TMEM80: variants seen among roughly 807,000 people sequenced by gnomAD.
The protein encoded by TMEM80 is transmembrane protein 80.
In TMEM80, 16 loss-of-function variants were observed where a neutral mutation model predicts 13.6. That is an observed-to-expected ratio of 1.17 (90% confidence interval 0.79 to 1.78). The LOEUF is 1.78. TMEM80 is among the 40% of genes most tolerant of loss of function. TMEM80 has a pLI of 0.00. For missense variants in TMEM80, 167 were observed against 184.6 expected (o/e 0.90, Z 0.55); for synonymous variants, 92 against 89.5 (o/e 1.03, Z -0.16).
chr11:698,936 G>A (rs926390340), intron 2 of TMEM80, 48 bp downstream of exon 2: 14 of 1,612,450 alleles, frequency 8.7e-6, no homozygotes, highest in African/African-American at 2.7e-5. Flanking sequence ...GGCCCGAATT[G>A]CTGCTGCACA....
rs142589327 is a variant in TMEM80, at chr11:699,928, G to A, written c.40-214G>A. ...AGACCGCATTGTTGTGGCATGGAGG[G>A]GGGTCCCACAAAGGCCTTGTCAGCT... On this transcript the variant is annotated intron_variant, in intron 2 of 4. Transcript: ENST00000397510. 1,202 of 554,648 alleles carry A rather than the reference G, an allele frequency of 2.2e-3. 15 individuals carry two copies. The East Asian group carries it at 0.034, about 16-fold the overall frequency. The allele number at this position is 554,648 out of a possible 1,614,324, so 34.4% of individuals were successfully genotyped here.
chr11:696,518 C>G (rs929819620), intron 1 of TMEM80, among the ~76,000 whole-genome samples: 2 of 152,184 alleles, frequency 1.3e-5, no homozygotes, highest in Non-Finnish European at 2.9e-5. Context: ...GTGGCTCAGG[C>G]CTGTAAGCCT....
Position 703,416 on chromosome 11 carries a change from A to G in TMEM80, c.*266A>G. On this transcript the variant is annotated 3_prime_UTR_variant, in exon 5 of 5. Transcript: ENST00000397510. ...TTCAAGATGAGTCCCAGGAGCGCAC[A>G]CTCAGCCCTGTCAGTGGGGTCTGGC... 3 of 1,311,146 alleles carry G rather than the reference A, an allele frequency of 2.3e-6. No homozygotes were observed. The highest frequency in any genetic ancestry group is 2.9e-6 in the Non-Finnish European group (3 of 1,034,258). The allele number at this position is 1,311,146 out of a possible 1,614,324, so 81.2% of individuals were successfully genotyped here. A position where few individuals can be genotyped will look rare whatever the true frequency, so the allele number is the denominator to read the frequency against.
rs1861118514 is a variant in TMEM80, at chr11:695,863, T to C, written c.19+17T>C. The C allele has an allele frequency of 1.5e-5, 18 of 1,226,098 alleles. No individual in the cohort carries two copies. The highest frequency in any genetic ancestry group is 1.8e-5 in the Non-Finnish European group (18 of 984,032). The allele number at this position is 1,226,098 out of a possible 1,614,324, so 76.0% of individuals were successfully genotyped here. A position where few individuals can be genotyped will look rare whatever the true frequency, so the allele number is the denominator to read the frequency against. On this transcript the variant is annotated intron_variant, in intron 1 of 4. Coordinates refer to ENST00000397510, the MANE Select transcript of TMEM80 (RefSeq NM_001042463.3). Reference sequence around the variant, plus strand: ...CGCGGCGAGGTGAGCTCGGGCGGGGTGGGGGCTTCCGGGCTTGCAGCGGCG... The same window carrying C: ...CGCGGCGAGGTGAGCTCGGGCGGGGCGGGGGCTTCCGGGCTTGCAGCGGCG...
Position 703,395 on chromosome 11 carries a change from A to G in TMEM80, c.*245A>G, listed in dbSNP as rs1861588915. The G allele has an allele frequency of 7.3e-7, 1 of 1,365,196 alleles. No homozygotes were observed. The highest frequency in any genetic ancestry group is 9.4e-7 in the Non-Finnish European group (1 of 1,064,710). 84.6% of individuals were successfully genotyped at this position (1,365,196 alleles called of 1,614,324 possible). A position where few individuals can be genotyped will look rare whatever the true frequency, so the allele number is the denominator to read the frequency against. On this transcript the variant is annotated 3_prime_UTR_variant, in exon 5 of 5. Transcript: ENST00000397510. Reference sequence around the variant, plus strand: ...TAGGGACCAGACAGAACTGCCTTCAAGATGAGTCCCAGGAGCGCACACTCA... The same window carrying G: ...TAGGGACCAGACAGAACTGCCTTCAGGATGAGTCCCAGGAGCGCACACTCA...
downstream of TMEM80, chr11:704,500 C>G (rs755780125): frequency 1.6e-6 from 2 of 1,289,266 alleles, no homozygotes; most frequent in Admixed American, 4.6e-5. Context: ...AGCGCCTGAG[C>G]GCCTCGGGCC....
Position 700,179 on chromosome 11 carries a change from G to A in TMEM80, c.77G>A (p.Ser26Asn). 6.2e-7 allele frequency: 1 copy of A among 1,614,148 alleles called. No homozygotes were observed. The highest frequency in any genetic ancestry group is 1.1e-5 in the South Asian group (1 of 91,078). The change falls in exon 3 of 5, where the codon AGC becomes AAC. Residue 26 changes from serine (S) to asparagine (N), a missense_variant. Coordinates refer to ENST00000397510, the MANE Select transcript of TMEM80 (RefSeq NM_001042463.3). ...CCCCTTCAAATGCTGTTTTATCTCA[G>A]CGGAACGTACTACGCCCTGTATTTC... ...SVPLQMLFYL[S>N]GTYYALYFLA...
chr11:702,502 A>G (rs1861542331), intron 4 of TMEM80, among the ~76,000 whole-genome samples: 1 of 152,172 alleles, frequency 6.6e-6, no homozygotes. Context: ...TTGTTTGCTA[A>G]ATACGCAGTT....
Position 700,126 on chromosome 11 carries a change from C to T in TMEM80, c.40-16C>T, listed in dbSNP as rs1463094714. The T allele has an allele frequency of 6.2e-7, 1 of 1,612,426 alleles. No homozygotes were observed. The highest frequency in any genetic ancestry group is 1.1e-5 in the South Asian group (1 of 91,004). ...CCCAAGCCTGTTGAGCTTGAGGATCCTTAACCACTCACCAGCTCTCTTCAG... is the reference window on the plus strand; with the variant it reads ...CCCAAGCCTGTTGAGCTTGAGGATCTTTAACCACTCACCAGCTCTCTTCAG... On this transcript the variant is annotated splice_polypyrimidine_tract_variant and intron_variant, in intron 2 of 4. Coordinates refer to ENST00000397510, the MANE Select transcript of TMEM80 (RefSeq NM_001042463.3).
In TMEM80 at chr11:704,032, TTG is replaced by T; in HGVS notation, c.*888_*889del. ...GTAGCTTTCCCTTCACTTGATTCTA[TTG>T]TGTGTTTTCTATGTTTGGAATAATT... On this transcript the variant is annotated 3_prime_UTR_variant, in exon 5 of 5. Transcript: ENST00000397510. 8.4e-7 allele frequency: 1 copy of T among 1,193,410 alleles called. No homozygotes were observed. Among genetic ancestry groups the T allele is most frequent in the Non-Finnish European group, 1.0e-6 (1 of 961,768 alleles). 73.9% of individuals were successfully genotyped at this position (1,193,410 alleles called of 1,614,324 possible).
intron 1 of TMEM80, among the ~76,000 whole-genome samples, chr11:698,277 A>G (rs779115658): frequency 1.4e-5 from 2 of 145,958 alleles, no homozygotes; most frequent in African/African-American, 5.1e-5. Context: ...GACTCCACTC[A>G]CTCCTCGGGC....
Position 703,495 on chromosome 11 carries a change from GACAGAGCCCTTCAGA to G in TMEM80, c.*352_*366del. ...ATGGGCCCCCAGGGCCGAGAGGGAG[GACAGAGCCCTTCAGA>G]ACAGAGGCCTCATCTCACTGCATCC... On this transcript the variant is annotated 3_prime_UTR_variant, in exon 5 of 5. Transcript: ENST00000397510. The G allele has an allele frequency of 9.6e-6, 12 of 1,255,004 alleles. No individual in the cohort carries two copies. Among genetic ancestry groups the G allele is most frequent in the Non-Finnish European group, 1.2e-5 (12 of 1,001,734 alleles). 77.7% of individuals were successfully genotyped at this position (1,255,004 alleles called of 1,614,324 possible). A position where few individuals can be genotyped will look rare whatever the true frequency, so the allele number is the denominator to read the frequency against.
intron 4 of TMEM80, among the ~76,000 whole-genome samples, chr11:701,497 G>C (rs11246270): frequency 6.8e-6 from 1 of 147,668 alleles, no homozygotes. Flanking sequence ...TGCAAGCTCC[G>C]CCTCCCGGGT....
chr11:699,033 G>A, intron 2 of TMEM80, 145 bp downstream of exon 2: 1 of 941,946 alleles, frequency 1.1e-6, no homozygotes, highest in Admixed American at 1.8e-5. Context: ...GACAGATTTA[G>A]AGAGTTGATG....
At position 701,652 on chromosome 11, in the gene TMEM80, G is replaced by T. The variant is rs541207954; in HGVS notation, c.226+945G>T. The stretch of plus-strand genomic sequence containing the variant: ...TTTCCATCTCCTGACCTCCTGATCC[G>T]CCCACCTCGGCCTCCCAAAGTGCTG... On this transcript the variant is annotated intron_variant, in intron 4 of 4. Transcript: ENST00000397510. Among the ~76,000 whole-genome samples the T allele has an allele frequency of 7.9e-5, 12 of 151,750 alleles. No individual in the cohort carries two copies. The South Asian group carries it at 1.9e-3, about 24-fold the overall frequency.
Position 703,677 on chromosome 11 carries a change from C to G in TMEM80, c.*527C>G. On this transcript the variant is annotated 3_prime_UTR_variant, in exon 5 of 5. Transcript: ENST00000397510. The stretch of plus-strand genomic sequence containing the variant: ...CCTTGTGCTCTGAGCAACCCCAGCT[C>G]TGCCTCACAGGCAGGCAGGCCCGGT... 1 of 1,232,424 alleles carries G rather than the reference C, an allele frequency of 8.1e-7. No homozygotes were observed. Among genetic ancestry groups the G allele is most frequent in the Non-Finnish European group, 1.0e-6 (1 of 988,456 alleles). 76.3% of individuals were successfully genotyped at this position (1,232,424 alleles called of 1,614,324 possible).
Position 702,948 on chromosome 11 carries a change from C to A in TMEM80, c.230C>A (p.Thr77Asn). 2 of 1,605,918 alleles carry A rather than the reference C, an allele frequency of 1.2e-6. No individual in the cohort carries two copies. The highest frequency in any genetic ancestry group is 1.7e-6 in the Non-Finnish European group (2 of 1,176,098). The part of the protein sequence containing the change: ...ILEAVRLYLG[T>N]RGNLTEAERP... Reference sequence around the variant, plus strand: ...TCCCCTTTGCTCTGTTCTCCAGGCACCAGGGGCAACCTGACAGAGGCTGAG... The same window carrying A: ...TCCCCTTTGCTCTGTTCTCCAGGCAACAGGGGCAACCTGACAGAGGCTGAG... Residue 77 changes from threonine to asparagine, a missense_variant, in exon 5 of 5, where the codon ACC (threonine) becomes AAC (asparagine). By Grantham distance (65) the Thr-to-Asn change is moderately conservative. Coordinates refer to ENST00000397510, the MANE Select transcript of TMEM80 (RefSeq NM_001042463.3).
chr11:700,777 A>G (rs772911136), intron 4 of TMEM80, 70 bp downstream of exon 4: 4 of 1,397,028 alleles, frequency 2.9e-6, no homozygotes, highest in Middle Eastern at 1.8e-4. Flanking sequence ...GCCTTTCAAG[A>G]GTAATTATTT....
chr11:701,105 A>G, intron 4 of TMEM80: 1 of 234,404 alleles, frequency 4.3e-6, no homozygotes, highest in South Asian at 5.9e-5. Flanking sequence ...CCCAAAAGGC[A>G]GCAGAGTCTG....
Sources: gnomAD v4.1 joint callset for allele counts (sites outside exome capture counted in the v4.1 genomes callset) on GRCh38, gnomAD v4.1.1 for gene constraint, MANE v1.5 for transcripts, NCBI Gene and HGNC (gene_info 2026-07-23, HGNC 2026-07-21) for gene names.